Variants in TMCO1 observed in about 807,000 individuals in gnomAD.
TMCO1 encodes the protein transmembrane and coiled-coil domains 1.
In TMCO1, 29 loss-of-function variants were observed where a neutral mutation model predicts 29.3. That is an observed-to-expected ratio of 0.99 (90% confidence interval 0.74 to 1.35). TMCO1 has a LOEUF of 1.35. Ranked by LOEUF, TMCO1 falls within the 40% of genes most tolerant of loss-of-function variation. TMCO1 has a pLI of 0.00. For missense variants in TMCO1, 173 were observed against 225.5 expected, an observed-to-expected ratio of 0.77 and a Z score of 1.49; for synonymous variants, 80 against 77.1, an observed-to-expected ratio of 1.04 and a Z score of -0.20.
chr1:165,739,327 C>T (rs1360724189), intron 6 of TMCO1, among the ~76,000 whole-genome samples: 8 of 152,168 alleles, frequency 5.3e-5, no homozygotes, highest in African/African-American at 1.9e-4. Context: ...AACTGACACA[C>T]AACTCATCAC....
chr1:165,742,091 G>A (rs889915086), intron 6 of TMCO1, among the ~76,000 whole-genome samples: 1 of 152,194 alleles, frequency 6.6e-6, no homozygotes, highest in African/African-American at 2.4e-5. Flanking sequence ...GTATTCAGAA[G>A]GAGGGGAGAA....
At position 165,768,692 on chromosome 1, in the gene TMCO1, C is replaced by G. The variant is rs777700549; in HGVS notation, c.60G>C (p.Leu20=). ...LIVFISVCTA[L]LAEGITWVLV... Reference sequence around the variant, plus strand: ...AATACCCGCTCTCACCCTCTGCGAGCAGAGCCGTGCACACAGAGATAAAAA... The same window carrying G: ...AATACCCGCTCTCACCCTCTGCGAGGAGAGCCGTGCACACAGAGATAAAAA... The change falls in exon 1 of 7, where the codon CTG becomes CTC. Residue 20 remains leucine (L), a synonymous_variant. Coordinates refer to ENST00000367881, the MANE Select transcript of TMCO1 (RefSeq NM_019026.6). 5.6e-6 allele frequency: 9 copies of G among 1,614,050 alleles called. No homozygotes were observed. The highest frequency in any genetic ancestry group is 6.8e-6 in the Non-Finnish European group (8 of 1,180,036).
intron 6 of TMCO1, among the ~76,000 whole-genome samples, chr1:165,741,822 C>G (rs1651605474): frequency 6.6e-6 from 1 of 152,084 alleles, no homozygotes; most frequent in African/African-American, 2.4e-5. Context: ...GTGTGTAATA[C>G]CTCCCACCTC....
intron 6 of TMCO1, among the ~76,000 whole-genome samples, chr1:165,734,197 C>T (rs897045453): frequency 7.9e-5 from 12 of 152,168 alleles, no homozygotes; most frequent in African/African-American, 2.9e-4. Context: ...TCCAATATTA[C>T]CAGGGCTCTC....
At chr1:165,731,808 AACTCTATACTTTCCTTT>A (rs1215130629) in intron 6 of TMCO1, among the ~76,000 whole-genome samples, 5 of 152,366 alleles carry the variant, frequency 3.3e-5, no homozygotes, top group Admixed American at 3.3e-4. Flanking sequence ...AAATCCAGGC[AACTCTATACTTTCCTTT>A]ACTCTATACT....
chr1:165,736,041 G>T (rs1427659630), intron 6 of TMCO1, among the ~76,000 whole-genome samples: 3 of 152,146 alleles, frequency 2.0e-5, no homozygotes, highest in African/African-American at 7.2e-5. Context: ...TGAGGGCTCT[G>T]CCCTCTTTAA....
intron 6 of TMCO1, among the ~76,000 whole-genome samples, chr1:165,740,979 G>C (rs1651572207): frequency 6.6e-6 from 1 of 152,210 alleles, no homozygotes; most frequent in South Asian, 2.1e-4. Context: ...ATGGGCTAGG[G>C]CAGCTCTATT....
At chr1:165,747,131 C>T (rs1282242754) in intron 5 of TMCO1, among the ~76,000 whole-genome samples, 2 of 151,846 alleles carry the variant, frequency 1.3e-5, no homozygotes, top group African/African-American at 4.8e-5. Flanking sequence ...CGTAGTGATG[C>T]CTGCCTGTAA....
At chr1:165,756,654 G>C (rs1571227775) in intron 3 of TMCO1, among the ~76,000 whole-genome samples, 1 of 151,942 alleles carries the variant, frequency 6.6e-6, no homozygotes, top group African/African-American at 2.4e-5. Flanking sequence ...GCAGATTAAT[G>C]GTTCTCTCAA....
At chr1:165,731,842 T>C (rs1651171011) in intron 6 of TMCO1, among the ~76,000 whole-genome samples, 2 of 152,366 alleles carry the variant, frequency 1.3e-5, no homozygotes, top group East Asian at 3.9e-4. Context: ...TACTTTCCTT[T>C]CCTTGTGGCT....
chr1:165,733,101 A>G (rs1651234745), intron 6 of TMCO1, among the ~76,000 whole-genome samples: 4 of 152,204 alleles, frequency 2.6e-5, no homozygotes, highest in Non-Finnish European at 2.9e-5. Context: ...TGAGGTGGAC[A>G]TCATTATCCT....
downstream of TMCO1, chr1:165,725,175 A>C (rs1650823893): frequency 6.7e-6 from 3 of 450,112 alleles, no homozygotes; most frequent in Non-Finnish European, 1.3e-5. Context: ...GAAAGTATAT[A>C]GTACTTTTAC....
At chr1:165,756,031 A>G (rs1652179232) in intron 3 of TMCO1, among the ~76,000 whole-genome samples, 1 of 145,300 alleles carries the variant, frequency 6.9e-6, no homozygotes, top group African/African-American at 2.5e-5. Flanking sequence ...CCTAAGAATT[A>G]TATGGGCAGC....
intron 2 of TMCO1, among the ~76,000 whole-genome samples, chr1:165,766,258 C>G (rs566781684): frequency 4.6e-5 from 7 of 152,178 alleles, no homozygotes; most frequent in African/African-American, 1.7e-4. Flanking sequence ...CAATTTGGGA[C>G]GTGTTGGGAC....
At chr1:165,749,553 C>T (rs1013974344) in intron 5 of TMCO1, among the ~76,000 whole-genome samples, 4 of 152,208 alleles carry the variant, frequency 2.6e-5, no homozygotes, top group African/African-American at 9.6e-5. Flanking sequence ...AACCCCAACA[C>T]TCTGGGAGGC....
At position 165,727,352 on chromosome 1, in the gene TMCO1, G is replaced by A. The variant is rs1008074996; in HGVS notation, c.*671C>T. ...AAGACCCTCATTTTTAAACTCCAAC[G>A]AGTTATTACGTTCCTTTCCACTCTT... On this transcript the variant is annotated 3_prime_UTR_variant, in exon 7 of 7. Transcript: ENST00000367881. The A allele has an allele frequency of 1.3e-5, 6 of 453,344 alleles. No individual in the cohort carries two copies. The highest frequency in any genetic ancestry group is 2.6e-5 in the Non-Finnish European group (6 of 226,672). 28.1% of individuals were successfully genotyped at this position (453,344 alleles called of 1,614,324 possible). A position where few individuals can be genotyped will look rare whatever the true frequency, so the allele number is the denominator to read the frequency against.
chr1:165,737,757 C>G (rs186384241), intron 6 of TMCO1, among the ~76,000 whole-genome samples: 1 of 152,226 alleles, frequency 6.6e-6, no homozygotes, highest in East Asian at 1.9e-4. Flanking sequence ...TGAAAATATC[C>G]TTCAAGAATG....
intron 4 of TMCO1, among the ~76,000 whole-genome samples, chr1:165,753,171 G>C (rs1652062294): frequency 6.6e-6 from 1 of 151,910 alleles, no homozygotes; most frequent in Non-Finnish European, 1.5e-5. Context: ...GAGAACAAAA[G>C]GTCTCTTAAA....
At chr1:165,754,352 G>C in intron 3 of TMCO1, 78 bp from the exon 4 acceptor site, 2 of 1,180,614 alleles carry the variant, frequency 1.7e-6, no homozygotes, top group Non-Finnish European at 2.5e-6. Flanking sequence ...TCACTGATTG[G>C]TGATTACAAA....
Sources: allele counts gnomAD v4.1 joint callset (sites outside exome capture counted in the v4.1 genomes callset), GRCh38; gene constraint gnomAD v4.1.1; transcripts MANE v1.5; gene names NCBI Gene and HGNC (gene_info 2026-07-23, HGNC 2026-07-21).